CSMD1: variants seen among roughly 807,000 people sequenced by gnomAD.
CSMD1 encodes the protein CUB and Sushi multiple domains 1.
Under a neutral mutation model 417.5 loss-of-function variants are expected in CSMD1, and 213 were observed. That is an observed-to-expected ratio of 0.51 (90% confidence interval 0.46 to 0.57). The LOEUF (loss-of-function observed/expected upper bound fraction) is 0.57. Ranked by LOEUF, CSMD1 falls within the 20% of genes least tolerant of loss-of-function variation. The pLI is 0.00. For synonymous variants in CSMD1, 2,862 were observed against 1,736.8 expected (o/e 1.65, Z -16.11); for missense variants, 6,923 against 4,529.7 (o/e 1.53, Z -15.17).
intron 3 of CSMD1, among the ~76,000 whole-genome samples, chr8:4,332,303 C>T (rs982457728): frequency 6.6e-6 from 1 of 152,118 alleles, no homozygotes; most frequent in African/African-American, 2.4e-5. Flanking sequence ...CTTGGAGATG[C>T]TCTTTCAGTC....
At chr8:4,659,226 G>C (rs1334618377) in intron 1 of CSMD1, among the ~76,000 whole-genome samples, 1 of 151,780 alleles carries the variant, frequency 6.6e-6, no homozygotes, top group Non-Finnish European at 1.5e-5. Context: ...ACAGTGCTCA[G>C]AGGAAATGCA....
intron 5 of CSMD1, among the ~76,000 whole-genome samples, chr8:3,908,638 A>G (rs1808264610): frequency 6.6e-6 from 1 of 152,118 alleles, no homozygotes; most frequent in Non-Finnish European, 1.5e-5. Flanking sequence ...AATCTGTCTT[A>G]TTTTTTGTAA....
chr8:4,406,469 C>T (rs902032001), intron 3 of CSMD1, among the ~76,000 whole-genome samples: 4 of 152,148 alleles, frequency 2.6e-5, no homozygotes, highest in African/African-American at 9.7e-5. Flanking sequence ...TACTCATCAT[C>T]CTCTGGGCAT....
chr8:4,499,680 G>A (rs371511961), intron 2 of CSMD1, among the ~76,000 whole-genome samples: 1 of 152,180 alleles, frequency 6.6e-6, no homozygotes, highest in East Asian at 1.9e-4. Context: ...AGATTTTAGT[G>A]AATAACTTTA....
At chr8:4,961,975 C>T (rs1407578770) in intron 1 of CSMD1, among the ~76,000 whole-genome samples, 1 of 151,880 alleles carries the variant, frequency 6.6e-6, no homozygotes, top group Non-Finnish European at 1.5e-5. Flanking sequence ...CTTTGAATGT[C>T]AAAATCCTGT....
intron 5 of CSMD1, among the ~76,000 whole-genome samples, chr8:3,995,874 C>T (rs776837070): frequency 1.3e-5 from 2 of 152,130 alleles, no homozygotes; most frequent in Non-Finnish European, 2.9e-5. Flanking sequence ...ATCATAGTTC[C>T]CACTGATAAC....
At chr8:4,142,912 T>A (rs1339230494) in intron 3 of CSMD1, among the ~76,000 whole-genome samples, 1 of 151,058 alleles carries the variant, frequency 6.6e-6, no homozygotes, top group Non-Finnish European at 1.5e-5. Flanking sequence ...AGAAATTATT[T>A]TTAGGTCATA....
chr8:3,965,382 C>G (rs923273939), intron 5 of CSMD1, among the ~76,000 whole-genome samples: 14 of 152,092 alleles, frequency 9.2e-5, no homozygotes, highest in Non-Finnish European at 1.6e-4. Flanking sequence ...AACAAGCGTT[C>G]TACAAATACA....
intron 3 of CSMD1, among the ~76,000 whole-genome samples, chr8:4,284,017 G>C (rs1796927879): frequency 6.6e-6 from 1 of 152,176 alleles, no homozygotes; most frequent in African/African-American, 2.4e-5. Context: ...TGAATCACTT[G>C]AGGTCAGGAA....
At chr8:3,529,970 G>C (rs141590830) in intron 10 of CSMD1, among the ~76,000 whole-genome samples, 9 of 152,120 alleles carry the variant, frequency 5.9e-5, no homozygotes, top group African/African-American at 2.2e-4. Flanking sequence ...ACGAAATGAT[G>C]TGCCATATGT....
intron 6 of CSMD1, among the ~76,000 whole-genome samples, chr8:3,708,732 T>G (rs1392177199): frequency 6.6e-6 from 1 of 152,154 alleles, no homozygotes; most frequent in Non-Finnish European, 1.5e-5. Context: ...AAATAATACG[T>G]GCTGCCACTG....
intron 3 of CSMD1, among the ~76,000 whole-genome samples, chr8:4,169,442 G>A (rs957628167): frequency 3.9e-5 from 6 of 152,038 alleles, no homozygotes; most frequent in African/African-American, 1.5e-4. Flanking sequence ...TAATCTTTCA[G>A]CTAGTTTTCT....
At chr8:3,033,822 G>C (rs1392952103) in intron 50 of CSMD1, among the ~76,000 whole-genome samples, 1 of 152,128 alleles carries the variant, frequency 6.6e-6, no homozygotes, top group African/African-American at 2.4e-5. Context: ...TTGGCTTCGA[G>C]TTACCTTTAC....
chr8:4,555,027 G>C (rs1393030141), intron 2 of CSMD1, among the ~76,000 whole-genome samples: 1 of 152,202 alleles, frequency 6.6e-6, no homozygotes, highest in Non-Finnish European at 1.5e-5. Context: ...GTAAGACTCA[G>C]AGATGCTGGT....
intron 3 of CSMD1, among the ~76,000 whole-genome samples, chr8:4,276,839 A>C (rs1336592230): frequency 2.6e-5 from 4 of 152,202 alleles, no homozygotes; most frequent in African/African-American, 7.2e-5. Flanking sequence ...GAAATACAAT[A>C]AATGTTCAAT....
At chr8:3,657,971 C>T (rs570357709) in intron 7 of CSMD1, among the ~76,000 whole-genome samples, 1 of 152,064 alleles carries the variant, frequency 6.6e-6, no homozygotes, top group African/African-American at 2.4e-5. Context: ...ATGGTAAATA[C>T]ATCAAATATA....
intron 18 of CSMD1, among the ~76,000 whole-genome samples, chr8:3,374,522 C>T (rs2897377): frequency 0.78 from 118,428 of 152,070 alleles, 46,419 homozygotes; most frequent in African/African-American, 0.87. Context: ...TATTAAGTTG[C>T]TCTCTAAACT....
chr8:3,923,695 G>A (rs1809441926), intron 5 of CSMD1, among the ~76,000 whole-genome samples: 1 of 152,050 alleles, frequency 6.6e-6, no homozygotes, highest in East Asian at 1.9e-4. Flanking sequence ...TCACCATGCT[G>A]TACAATAAAT....
At chr8:4,440,006 C>G (rs552776099) in intron 2 of CSMD1, among the ~76,000 whole-genome samples, 3 of 152,126 alleles carry the variant, frequency 2.0e-5, no homozygotes, top group African/African-American at 7.2e-5. Context: ...GGGGTATACA[C>G]TTAATTTTCC....
Sources: allele counts gnomAD v4.1 joint callset (sites outside exome capture counted in the v4.1 genomes callset), GRCh38; gene constraint gnomAD v4.1.1; transcripts MANE v1.5; gene names NCBI Gene and HGNC (gene_info 2026-07-23, HGNC 2026-07-21).